PTPRM: variants seen among roughly 807,000 people sequenced by gnomAD.
The protein encoded by PTPRM is protein tyrosine phosphatase receptor type M, also known as receptor-type tyrosine-protein phosphatase mu.
Under a neutral mutation model 186.7 loss-of-function variants are expected in PTPRM, and 47 were observed. The observed-to-expected ratio is 0.25, with a 90% CI of 0.20 to 0.32. The LOEUF (loss-of-function observed/expected upper bound fraction) is 0.32. PTPRM is among the 10% of genes least tolerant of loss of function. PTPRM has a pLI of 1.00. For synonymous variants in PTPRM, 668 were observed against 674.9 expected (o/e 0.99, Z 0.16); for missense variants, 1,494 against 1,865.0 (o/e 0.80, Z 3.66).
At chr18:8,252,880 T>A (rs550733288) in intron 18 of PTPRM, among the ~76,000 whole-genome samples, 36 of 152,262 alleles carry the variant, frequency 2.4e-4, no homozygotes, top group African/African-American at 8.4e-4. Flanking sequence ...GAACTAATGT[T>A]TCAAAGAATA....
intron 19 of PTPRM, among the ~76,000 whole-genome samples, chr18:8,291,982 G>GC (rs1184341320): frequency 2.6e-5 from 4 of 152,108 alleles, no homozygotes; most frequent in African/African-American, 9.7e-5. Context: ...GGCAGTCCCG[G>GC]CTGCAAACTA....
intron 1 of PTPRM, among the ~76,000 whole-genome samples, chr18:7,707,576 C>T (rs1232806230): frequency 1.3e-5 from 2 of 151,998 alleles, no homozygotes; most frequent in African/African-American, 4.8e-5. Flanking sequence ...GAATTCGAGG[C>T]TACGGTGGGC....
intron 5 of PTPRM, among the ~76,000 whole-genome samples, chr18:7,946,061 G>A (rs1211612550): frequency 2.0e-5 from 3 of 152,122 alleles, no homozygotes; most frequent in Non-Finnish European, 2.9e-5. Context: ...CTAGAGTCAC[G>A]CAGGGCTCCT....
At chr18:8,387,289 C>G in intron 31 of PTPRM, 54 bp downstream of exon 31, 1 of 1,523,604 alleles carries the variant, frequency 6.6e-7, no homozygotes, top group South Asian at 1.2e-5. Flanking sequence ...CACACTCACT[C>G]TCACCTCCTA....
At chr18:8,131,079 A>G (rs2092492965) in intron 13 of PTPRM, among the ~76,000 whole-genome samples, 1 of 152,154 alleles carries the variant, frequency 6.6e-6, no homozygotes, top group African/African-American at 2.4e-5. Flanking sequence ...GGCTTTCAAG[A>G]TGACTCAGTA....
At chr18:7,754,326 G>A (rs926190939) in intron 1 of PTPRM, among the ~76,000 whole-genome samples, 23 of 152,176 alleles carry the variant, frequency 1.5e-4, no homozygotes, top group African/African-American at 5.6e-4. Context: ...TTTCCTGTGT[G>A]CTTCTTATAG....
intron 14 of PTPRM, among the ~76,000 whole-genome samples, chr18:8,216,773 T>G (rs1332291312): frequency 6.6e-6 from 1 of 152,256 alleles, no homozygotes; most frequent in African/African-American, 2.4e-5. Context: ...AAGTAGATGC[T>G]CTTTTTGACC....
intron 19 of PTPRM, among the ~76,000 whole-genome samples, chr18:8,272,895 A>C (rs1202144690): frequency 6.6e-6 from 1 of 152,152 alleles, no homozygotes; most frequent in Non-Finnish European, 1.5e-5. Flanking sequence ...AGTTATAAGG[A>C]AAATACAAGT....
chr18:7,657,293 T>C (rs754211332), intron 1 of PTPRM, among the ~76,000 whole-genome samples: 1 of 152,178 alleles, frequency 6.6e-6, no homozygotes, highest in Non-Finnish European at 1.5e-5. Flanking sequence ...CCAGGGCAAG[T>C]GTGCTGTTGC....
chr18:7,632,306 T>C (rs1042212205), intron 1 of PTPRM, among the ~76,000 whole-genome samples: 2 of 152,222 alleles, frequency 1.3e-5, no homozygotes, highest in African/African-American at 2.4e-5. Flanking sequence ...GAAATGATGT[T>C]ATATGCTCAT....
At chr18:7,905,215 A>C (rs1050855427) in intron 3 of PTPRM, among the ~76,000 whole-genome samples, 5 of 152,058 alleles carry the variant, frequency 3.3e-5, no homozygotes, top group Admixed American at 2.6e-4. Flanking sequence ...CTAGTCTCAA[A>C]CTCCCGACCT....
intron 14 of PTPRM, among the ~76,000 whole-genome samples, chr18:8,217,473 C>T (rs960693945): frequency 6.6e-6 from 1 of 152,168 alleles, no homozygotes; most frequent in Non-Finnish European, 1.5e-5. Context: ...CGTTACATTA[C>T]TGGTAATTCC....
At chr18:8,313,668 C>A (rs2095286275) in intron 20 of PTPRM, among the ~76,000 whole-genome samples, 1 of 151,422 alleles carries the variant, frequency 6.6e-6, no homozygotes, top group African/African-American at 2.4e-5. Flanking sequence ...GTGGTGATTT[C>A]TGAGATTTTG....
At chr18:8,056,270 A>T (rs1568262825) in intron 7 of PTPRM, among the ~76,000 whole-genome samples, 1 of 152,228 alleles carries the variant, frequency 6.6e-6, no homozygotes, top group Non-Finnish European at 1.5e-5. Context: ...CCAAAGAAAG[A>T]AATAGTTCTA....
chr18:8,242,347 C>T (rs542771977), intron 14 of PTPRM, among the ~76,000 whole-genome samples: 3 of 152,194 alleles, frequency 2.0e-5, no homozygotes, highest in Non-Finnish European at 4.4e-5. Flanking sequence ...TTCCAGTGAT[C>T]TGGCAGATTC....
chr18:8,041,963 A>G (rs528462944), intron 7 of PTPRM, among the ~76,000 whole-genome samples: 2 of 152,344 alleles, frequency 1.3e-5, no homozygotes, highest in African/African-American at 4.8e-5. Flanking sequence ...TCCTCACTGC[A>G]GGCTGATGGC....
At chr18:7,706,298 A>G (rs1359394729) in intron 1 of PTPRM, among the ~76,000 whole-genome samples, 1 of 151,904 alleles carries the variant, frequency 6.6e-6, no homozygotes, top group Non-Finnish European at 1.5e-5. Flanking sequence ...CAGTAGCTCA[A>G]AAGAGATGCC....
chr18:8,239,550 C>G (rs1335301533), intron 14 of PTPRM, among the ~76,000 whole-genome samples: 1 of 152,110 alleles, frequency 6.6e-6, no homozygotes, highest in Non-Finnish European at 1.5e-5. Flanking sequence ...TGAGCTCCAG[C>G]AGTTTGTCAG....
intron 2 of PTPRM, among the ~76,000 whole-genome samples, chr18:7,811,942 C>T (rs962749187): frequency 1.3e-5 from 2 of 152,182 alleles, no homozygotes; most frequent in Non-Finnish European, 2.9e-5. Flanking sequence ...CCCAGAATTA[C>T]TTTATGTAAA....
Sources: gnomAD v4.1 joint callset for allele counts (sites outside exome capture counted in the v4.1 genomes callset) on GRCh38, gnomAD v4.1.1 for gene constraint, MANE v1.5 for transcripts, NCBI Gene and HGNC (gene_info 2026-07-23, HGNC 2026-07-21) for gene names.